Variants in APOO observed in about 807,000 individuals in gnomAD.
APOO encodes the protein apolipoprotein O, also known as MICOS complex subunit MIC26.
A neutral mutation model predicts 23.1 loss-of-function variants in APOO; 11 were observed. The ratio of observed to expected loss-of-function variants is 0.48; its 90% CI spans 0.30 to 0.79. APOO has a LOEUF of 0.79. APOO is among the 30% of genes least tolerant of loss of function. The probability of loss-of-function intolerance (pLI) is 0.07; values close to 1 mark genes in which losing one functional copy is unlikely to be tolerated. For synonymous variants in APOO, 59 were observed against 54.8 expected (o/e 1.08, Z -0.34); for missense variants, 160 against 142.7 (o/e 1.12, Z -0.62).
At chrX:23,861,765 G>A (rs371320790) in intron 5 of APOO, among the ~76,000 whole-genome samples, 11 of 104,224 alleles carry the variant, frequency 1.1e-4, no homozygotes, top group African/African-American at 3.8e-4. Context: ...GAACCTGCCC[G>A]TCAGTGGGCC....
chrX:23,862,093 C>A, intron 5 of APOO, among the ~76,000 whole-genome samples: 1 of 110,944 alleles, frequency 9.0e-6, no homozygotes, highest in Non-Finnish European at 1.9e-5. Context: ...TGAAAGAGTT[C>A]TTATTAGCAT....
intron 4 of APOO, among the ~76,000 whole-genome samples, chrX:23,873,438 C>T (rs1276390269): frequency 9.0e-6 from 1 of 110,649 alleles, no homozygotes; most frequent in African/African-American, 3.3e-5. Context: ...GAAACCCTGT[C>T]TCTACTAAAA....
rs746077713 is a variant in APOO, at chrX:23,858,721, T to C, written c.401A>G (p.Lys134Arg). The C allele has an allele frequency of 4.1e-6, 5 of 1,209,051 alleles. No homozygotes were observed. The highest frequency in any genetic ancestry group is 4.5e-6 in the Non-Finnish European group (4 of 893,374). The change falls in exon 6 of 9, where the codon AAG becomes AGG. Residue 134 changes from lysine to arginine, a missense_variant. Transcript: ENST00000379226. Reference sequence around the variant, plus strand: ...GAAACCAGGCGGATACACTAGCTTCTTTATTTTTGAACCTGATAAATAAAA... The same window carrying C: ...GAAACCAGGCGGATACACTAGCTTCCTTATTTTTGAACCTGATAAATAAAA... ...GLLLARGSKI[K>R]KLVYPPGFMG...
intron 1 of APOO, among the ~76,000 whole-genome samples, chrX:23,890,901 C>T (rs1377033549): frequency 8.9e-6 from 1 of 111,925 alleles, no homozygotes; most frequent in Non-Finnish European, 1.9e-5. Flanking sequence ...TTTGCTTTCT[C>T]AATTTTATCT....
intron 5 of APOO, among the ~76,000 whole-genome samples, chrX:23,864,130 G>T (rs2146996237): frequency 9.2e-6 from 1 of 109,196 alleles, no homozygotes; most frequent in East Asian, 2.9e-4. Context: ...CAAGAATCTG[G>T]GATTACAGGT....
At chrX:23,853,752 A>C (rs1444920461) in intron 7 of APOO, among the ~76,000 whole-genome samples, 1 of 110,166 alleles carries the variant, frequency 9.1e-6, no homozygotes, top group Non-Finnish European at 1.9e-5. Flanking sequence ...CAGCCTCCCA[A>C]GTAGATGGGA....
At chrX:23,873,119 C>A (rs895450571) in intron 4 of APOO, among the ~76,000 whole-genome samples, 1 of 110,715 alleles carries the variant, frequency 9.0e-6, no homozygotes, top group African/African-American at 3.3e-5. Context: ...ACTGCAGTCA[C>A]CCTACTGTGC....
intron 1 of APOO, 74 bp from the exon 2 acceptor site, chrX:23,881,026 C>T: frequency 5.0e-6 from 3 of 606,050 alleles, no homozygotes; most frequent in Non-Finnish European, 7.3e-6. Flanking sequence ...TATTCATAAC[C>T]TCAGCCACTC....
At chrX:23,874,222 T>C (rs778716567) in intron 4 of APOO, among the ~76,000 whole-genome samples, 181 bp downstream of exon 4, 7 of 111,795 alleles carry the variant, frequency 6.3e-5, no homozygotes, top group African/African-American at 1.3e-4. Context: ...TTGGGGACAC[T>C]AGTTGCCTGA....
intron 4 of APOO, among the ~76,000 whole-genome samples, chrX:23,872,187 GAT>G (rs755451380): frequency 5.2e-4 from 58 of 111,458 alleles, no homozygotes; most frequent in Non-Finnish European, 9.0e-4. Context: ...GGGGAAAGAA[GAT>G]ATGTTTTAAG....
At chrX:23,855,876 A>G (rs991797001) in intron 7 of APOO, among the ~76,000 whole-genome samples, 7 of 112,207 alleles carry the variant, frequency 6.2e-5, no homozygotes, top group African/African-American at 2.3e-4. Context: ...AAACAGAAAC[A>G]GCAGTGCTAA....
intron 1 of APOO, among the ~76,000 whole-genome samples, chrX:23,893,792 G>A (rs1406309654): frequency 6.4e-5 from 7 of 109,633 alleles, no homozygotes; most frequent in African/African-American, 2.0e-4. Context: ...GGCTGGTCTC[G>A]AACTCCTGAT....
chrX:23,846,606 G>A (rs1471735835), intron 7 of APOO, among the ~76,000 whole-genome samples: 3 of 95,781 alleles, frequency 3.1e-5, no homozygotes, highest in Non-Finnish European at 6.1e-5. Context: ...TCCAGCCTGG[G>A]CTACAGAGCA....
intron 8 of APOO, among the ~76,000 whole-genome samples, chrX:23,834,174 C>A (rs1231020731): frequency 9.1e-6 from 1 of 109,452 alleles, no homozygotes; most frequent in Non-Finnish European, 1.9e-5. Context: ...GCAGGTGGAT[C>A]ATCTGTGGTC....
At chrX:23,859,211 C>T (rs966585905) in intron 5 of APOO, among the ~76,000 whole-genome samples, 4 of 111,799 alleles carry the variant, frequency 3.6e-5, no homozygotes, top group African/African-American at 1.3e-4. Context: ...CACCAAAACG[C>T]TTTTGCACTG....
chrX:23,882,965 A>G (rs775688000), intron 1 of APOO, among the ~76,000 whole-genome samples: 1 of 111,616 alleles, frequency 9.0e-6, no homozygotes, highest in South Asian at 3.7e-4. Flanking sequence ...ATTAAAAAAT[A>G]AAATAAGGGA....
chrX:23,874,430 T>A lies in APOO; in HGVS notation c.265A>T (p.Met89Leu), dbSNP rs966841857. Residue 89 changes from methionine to leucine, a missense_variant, in exon 4 of 9, where the codon ATG becomes TTG. Coordinates refer to ENST00000379226, the MANE Select transcript of APOO (RefSeq NM_024122.5). ...AACCCCCATTGAACCAAACTTTGCA[T>A]CTTGGGCTTAGTTTGGGAGTACGTT... ...QETYSQTKPKMQSLVQWGLDS... is the reference protein window; with the variant it reads ...QETYSQTKPKLQSLVQWGLDS... The A allele has an allele frequency of 5.0e-6, 6 of 1,211,054 alleles. No homozygotes were observed. The highest frequency in any genetic ancestry group is 3.0e-5 in the East Asian group (1 of 33,833).
intron 3 of APOO, 73 bp downstream of exon 3, chrX:23,878,842 T>G: frequency 9.0e-7 from 1 of 1,114,089 alleles, no homozygotes. Context: ...TCCAAAAACA[T>G]GCAGCCAATA....
intron 3 of APOO, 120 bp downstream of exon 3, chrX:23,878,795 T>A: frequency 8.0e-6 from 7 of 872,335 alleles, no homozygotes; most frequent in Admixed American, 3.0e-5. Flanking sequence ...CTTCCCAGCC[T>A]CTGTCAACCA....
Sources: gnomAD v4.1 joint callset for allele counts (sites outside exome capture counted in the v4.1 genomes callset) on GRCh38, gnomAD v4.1.1 for gene constraint, MANE v1.5 for transcripts, NCBI Gene and HGNC (gene_info 2026-07-23, HGNC 2026-07-21) for gene names.